The following KDM5B variants were observed in gnomAD, a reference collection of about 807,000 sequenced individuals.
The protein encoded by KDM5B is lysine demethylase 5B, also known as lysine-specific demethylase 5B.
In KDM5B, 144 loss-of-function variants were observed where a neutral mutation model predicts 193.4. The ratio of observed to expected loss-of-function variants is 0.74; its 90% CI spans 0.65 to 0.86. The LOEUF is 0.86. Among genes scored for constraint, KDM5B ranks in the 40% least tolerant of loss-of-function variants. The probability of loss-of-function intolerance (pLI) is 0.00; values close to 1 mark genes in which losing one functional copy is unlikely to be tolerated. For missense variants in KDM5B, 1,833 were observed against 1,886.9 expected, an observed-to-expected ratio of 0.97 and a Z score of 0.53; for synonymous variants, 668 against 682.6, an observed-to-expected ratio of 0.98 and a Z score of 0.33.
chr1:202,790,527 G>A (rs1424115569), intron 1 of KDM5B, among the ~76,000 whole-genome samples: 5 of 151,710 alleles, frequency 3.3e-5, no homozygotes, highest in Non-Finnish European at 7.4e-5. Context: ...CGAGACCAGC[G>A]TGGTCAACAT....
Position 202,800,280 on chromosome 1 carries a change from G to A in KDM5B, c.204+7822C>T, listed in dbSNP as rs1658020300. ...GATGGTCTCAATCTCTTGACCTCAT[G>A]ATCCACCTGCCTCGGCCTCCCAAAG... is the stretch of plus-strand genomic sequence containing the variant. On this transcript the variant is annotated intron_variant, in intron 1 of 26. Transcript: ENST00000367265. 3.9e-5 allele frequency among the ~76,000 whole-genome samples: 6 copies of A among 152,144 alleles called. 1 individual carries two copies. The South Asian group carries it at 1.2e-3, about 32-fold the overall frequency.
chr1:202,759,083 C>G (rs1348628469), intron 8 of KDM5B: 1 of 152,240 alleles, frequency 6.6e-6, no homozygotes, highest in Non-Finnish European at 1.5e-5. Flanking sequence ...TGTCCCATGC[C>G]TAATAACCTC....
chr1:202,803,461 G>A (rs1658158599), intron 1 of KDM5B, among the ~76,000 whole-genome samples: 1 of 152,094 alleles, frequency 6.6e-6, no homozygotes, highest in Admixed American at 6.6e-5. Flanking sequence ...ATTTACCACT[G>A]GCAAAGTCAA....
At chr1:202,754,095 C>T (rs543144000) in intron 11 of KDM5B, among the ~76,000 whole-genome samples, 3 of 152,234 alleles carry the variant, frequency 2.0e-5, no homozygotes, top group East Asian at 3.9e-4. Context: ...TTCTGGCAGA[C>T]GAAGTTAAAT....
rs61270918 is a variant in KDM5B, at chr1:202,724,746, TTGTGTGTG to T, written c.*4282_*4289del. 3 of 150,546 alleles carry T rather than the reference TTGTGTGTG, an allele frequency of 2.0e-5. No individual in the cohort carries two copies. Among genetic ancestry groups the T allele is most frequent in the South Asian group, 2.1e-4 (1 of 4,780 alleles). 9.3% of individuals were successfully genotyped at this position (150,546 alleles called of 1,614,324 possible). A position where few individuals can be genotyped will look rare whatever the true frequency, so the allele number is the denominator to read the frequency against. On this transcript the variant is annotated 3_prime_UTR_variant, in exon 27 of 27. Coordinates refer to ENST00000367265, the MANE Select transcript of KDM5B (RefSeq NM_006618.5). ...ACACAGAAGGGGCTTGTGTGTGTGT[TTGTGTGTG>T]TGTGTGTGTTCACAGCAGAATCACA...
chr1:202,758,144 G>A (rs988104663), intron 9 of KDM5B, among the ~76,000 whole-genome samples: 1 of 152,084 alleles, frequency 6.6e-6, no homozygotes, highest in Non-Finnish European at 1.5e-5. Context: ...CTTTATTAGT[G>A]TTCTATTACT....
In KDM5B at chr1:202,762,818, G is replaced by A. The variant is rs548049869; in HGVS notation, c.809-10C>T. The A allele has an allele frequency of 2.5e-5, 37 of 1,491,446 alleles. No homozygotes were observed. Among genetic ancestry groups the A allele is most frequent in the Non-Finnish European group, 3.3e-5 (35 of 1,069,454 alleles). The allele number at this position is 1,491,446 out of a possible 1,614,324, so 92.4% of individuals were successfully genotyped here. ...CTCTTCATTTCTTTCTCTGTAGGAGGCAATCCAAAATTAGCTCTTTATGAT... is the reference window on the plus strand; with the variant it reads ...CTCTTCATTTCTTTCTCTGTAGGAGACAATCCAAAATTAGCTCTTTATGAT... On this transcript the variant is annotated splice_polypyrimidine_tract_variant and intron_variant, in intron 6 of 26. Coordinates refer to ENST00000367265, the MANE Select transcript of KDM5B (RefSeq NM_006618.5).
At chr1:202,774,564 T>G (rs768573930) in intron 3 of KDM5B, 49 bp downstream of exon 3, 1 of 1,544,700 alleles carries the variant, frequency 6.5e-7, no homozygotes, top group East Asian at 2.3e-5. Flanking sequence ...ATCAAATTCA[T>G]TCTGTCAGTA....
chr1:202,764,171 A>G (rs1656356797), intron 5 of KDM5B, 26 bp from the exon 6 acceptor site: 2 of 1,159,564 alleles, frequency 1.7e-6, no homozygotes, highest in Non-Finnish European at 2.5e-6. Flanking sequence ...ATATACATGA[A>G]TATTTCCTTT....
At chr1:202,773,866 T>G (rs971808332) in intron 3 of KDM5B, among the ~76,000 whole-genome samples, 2 of 152,060 alleles carry the variant, frequency 1.3e-5, no homozygotes, top group Admixed American at 1.3e-4. Context: ...GCCTCCCGAG[T>G]AGCTGGGATT....
chr1:202,781,476 G>A (rs1363271046), intron 1 of KDM5B, among the ~76,000 whole-genome samples: 1 of 152,140 alleles, frequency 6.6e-6, no homozygotes, highest in African/African-American at 2.4e-5. Flanking sequence ...TGTTTTAAAT[G>A]TCAGTTAAAA....
At chr1:202,758,672 T>G (rs762312813) in intron 8 of KDM5B, among the ~76,000 whole-genome samples, 162 bp from the exon 9 acceptor site, 2 of 152,220 alleles carry the variant, frequency 1.3e-5, no homozygotes, top group Non-Finnish European at 2.9e-5. Context: ...ATGTGGTTAT[T>G]TTAATAAGCA....
intron 1 of KDM5B, among the ~76,000 whole-genome samples, chr1:202,794,366 T>C (rs1572777004): frequency 1.3e-5 from 2 of 152,366 alleles, no homozygotes; most frequent in South Asian, 4.1e-4. Flanking sequence ...TCAGTATCTG[T>C]AGCCTGTAGT....
intron 5 of KDM5B, among the ~76,000 whole-genome samples, chr1:202,765,756 A>AT (rs774396481): frequency 6.6e-6 from 1 of 152,022 alleles, no homozygotes; most frequent in Non-Finnish European, 1.5e-5. Flanking sequence ...AAAATGGCTG[A>AT]TTTTTTTCAT....
chr1:202,742,615 G>A (rs55798081), intron 17 of KDM5B, 40 bp downstream of exon 17: 56,703 of 1,610,938 alleles, frequency 0.035, 1,212 homozygotes, highest in Non-Finnish European at 0.041. Context: ...CCAAACATAG[G>A]TGCCAAAGAA....
chr1:202,756,390 C>T lies in KDM5B; in HGVS notation c.1324G>A (p.Asp442Asn). The T allele has an allele frequency of 6.2e-7, 1 of 1,612,670 alleles. No homozygotes were observed. The highest frequency in any genetic ancestry group is 8.5e-7 in the Non-Finnish European group (1 of 1,179,346). ...KEFGSGFPVR[D>N]GKIKLSPEEE... ...TCAGGTGAGAGTTTGATTTTCCCAT[C>T]TCGGACAGGAAAGCCACTGCCAAAT... Residue 442 changes from aspartate (D) to asparagine (N), a missense_variant, in exon 10 of 27, where the codon GAT becomes AAT. Physicochemically the swap from Asp to Asn is conservative, Grantham distance 23. This residue lies in a region of KDM5B where 1,379 missense variants were observed against 1,349.6 expected (regional missense o/e 1.02). Transcript: ENST00000367265.
intron 1 of KDM5B, among the ~76,000 whole-genome samples, chr1:202,792,734 G>T (rs1267198766): frequency 2.0e-5 from 3 of 152,166 alleles, no homozygotes; most frequent in Non-Finnish European, 4.4e-5. Context: ...AGTGGCCCAC[G>T]CCTGTAATCC....
Position 202,753,065 on chromosome 1 carries a change from C to T in KDM5B, c.1541G>A (p.Gly514Asp), listed in dbSNP as rs1339411525. ...GACTCCATACCAGGTTTTTGGCTCA[C>T]CCCTGGAAATAGATTATAAAAATAA... is the stretch of plus-strand genomic sequence containing the variant. Reference protein sequence around the residue: ...WSYSINYLHWGEPKTWYGVPG... With the variant: ...WSYSINYLHWDEPKTWYGVPG... Residue 514 changes from glycine to aspartate, a missense_variant and splice_region_variant, in exon 12 of 27, where the codon GGT becomes GAT. Transcript: ENST00000367265. 1.2e-6 allele frequency: 2 copies of T among 1,610,326 alleles called. No individual in the cohort carries two copies.
chr1:202,729,075 A>G lies in KDM5B; in HGVS notation c.4596T>C (p.Cys1532=). The change falls in exon 27 of 27, where the codon TGT becomes TGC. Residue 1532 remains cysteine (C), a synonymous_variant. Coordinates refer to ENST00000367265, the MANE Select transcript of KDM5B (RefSeq NM_006618.5). ...GTGCGTCCTTCACAGTACAGCGCAC[A>G]CAGATGTAGTCTTCTTTCTCTGCCA... ...PEMAEKEDYI[C]VRCTVKDAPS... The G allele has an allele frequency of 6.2e-7, 1 of 1,614,142 alleles. No homozygotes were observed. Among genetic ancestry groups the G allele is most frequent in the Middle Eastern group, 1.6e-4 (1 of 6,062 alleles).
Sources: allele counts gnomAD v4.1 joint callset (sites outside exome capture counted in the v4.1 genomes callset), GRCh38; gene constraint gnomAD v4.1.1; regional missense constraint gnomAD v4.1.1; transcripts MANE v1.5; gene names NCBI Gene and HGNC (gene_info 2026-07-23, HGNC 2026-07-21).